Variants in MCF2L2 observed in about 807,000 individuals in gnomAD.
MCF2L2 encodes the protein probable guanine nucleotide exchange factor MCF2L2.
A neutral mutation model predicts 150.2 loss-of-function variants in MCF2L2; 102 were observed. That is an observed-to-expected ratio of 0.68 (90% CI 0.58 to 0.80). The LOEUF is 0.80. MCF2L2 is among the 30% of genes least tolerant of loss of function. The probability of loss-of-function intolerance (pLI) is 0.00; values close to 1 mark genes in which losing one functional copy is unlikely to be tolerated. For missense variants in MCF2L2, 1,256 were observed against 1,372.8 expected (o/e 0.91, Z 1.34); for synonymous variants, 465 against 491.3 (o/e 0.95, Z 0.71).
At chr3:183,223,547 G>C (rs1014096064) in intron 19 of MCF2L2, 109 bp from the exon 20 acceptor site, 5 of 754,898 alleles carry the variant, frequency 6.6e-6, no homozygotes, top group Non-Finnish European at 1.2e-5. Flanking sequence ...GGACAACAGG[G>C]GCAGCTGTGT....
Position 183,362,146 on chromosome 3 carries a change from C to G in MCF2L2, c.275+17151G>C, listed in dbSNP as rs1029286165. On this transcript the variant is annotated intron_variant, in intron 3 of 29. Coordinates refer to ENST00000328913, the MANE Select transcript of MCF2L2 (RefSeq NM_015078.4). ...TTGAGTTGGAGTATTGCTCCATCAC[C>G]CAGGCTAGAGTGCAGTGGTGTGATC... Among the ~76,000 whole-genome samples, 3 of 151,834 alleles carry G rather than the reference C, an allele frequency of 2.0e-5. No homozygotes were observed. The South Asian group carries it at 6.2e-4, about 32-fold the overall frequency.
chr3:183,305,810 C>T lies in MCF2L2; in HGVS notation c.1113+3906G>A, dbSNP rs1448369799. Among the ~76,000 whole-genome samples the T allele has an allele frequency of 2.0e-5, 3 of 152,142 alleles. No homozygotes were observed. The highest frequency in any genetic ancestry group is 7.2e-5 in the African/African-American group (3 of 41,414). On this transcript the variant is annotated intron_variant, in intron 10 of 29. Transcript: ENST00000328913. The surrounding 1 kb of genome is among the most constrained non-coding windows in gnomAD (Gnocchi z 4.1). ...GTTGCAGTGAGCTGAGATTGTGCCA[C>T]TGCACTCCAGCCTGGGCGGCAAGAG...
At chr3:183,272,253 C>A in intron 15 of MCF2L2, 3 of 1,000,182 alleles carry the variant, frequency 3.0e-6, no homozygotes, top group South Asian at 9.4e-5. Flanking sequence ...ATACACACTA[C>A]CTCCCTTCAC....
intron 25 of MCF2L2, among the ~76,000 whole-genome samples, chr3:183,195,834 T>C (rs895417419): frequency 1.3e-5 from 2 of 152,190 alleles, no homozygotes; most frequent in African/African-American, 4.8e-5. Flanking sequence ...AGATCGTCAC[T>C]GAATGTGCTC....
rs529248736 is a variant in MCF2L2, at chr3:183,240,247, G to A, written c.1863-9230C>T. On this transcript the variant is annotated intron_variant, in intron 15 of 29. Coordinates refer to ENST00000328913, the MANE Select transcript of MCF2L2 (RefSeq NM_015078.4). ...GCTACGCCCTTCCAAAAGCTCCTTT[G>A]AGATGGAGTTTCACTCTTGTTGCCC... Among the ~76,000 whole-genome samples the A allele has an allele frequency of 1.5e-3, 230 of 152,322 alleles. 1 individual carries two copies. Among genetic ancestry groups the A allele is most frequent in the African/African-American group, 5.4e-3 (223 of 41,568 alleles).
At chr3:183,395,935 A>AAAAAG (rs1553794481) in intron 1 of MCF2L2, among the ~76,000 whole-genome samples, 7 of 99,108 alleles carry the variant, frequency 7.1e-5, no homozygotes, top group African/African-American at 1.2e-4. Flanking sequence ...AAAAAAAAAA[A>AAAAAG]AAAGAAAGAA....
intron 10 of MCF2L2, among the ~76,000 whole-genome samples, chr3:183,301,215 C>T (rs73066044): frequency 0.076 from 11,583 of 151,974 alleles, 1,117 homozygotes; most frequent in African/African-American, 0.22. Context: ...TTATTGAGAA[C>T]CTGCTATTTG....
At chr3:183,409,195 A>T (rs947637075) in intron 1 of MCF2L2, among the ~76,000 whole-genome samples, 4 of 152,254 alleles carry the variant, frequency 2.6e-5, no homozygotes, top group African/African-American at 9.6e-5. Context: ...CGAGTGGCTC[A>T]TAAAATACTT....
chr3:183,309,358 G>T (rs1025160758), intron 10 of MCF2L2, among the ~76,000 whole-genome samples: 1 of 152,004 alleles, frequency 6.6e-6, no homozygotes, highest in Non-Finnish European at 1.5e-5. Flanking sequence ...CCAGGGAGGA[G>T]CTCAAGCTGA....
intron 3 of MCF2L2, among the ~76,000 whole-genome samples, chr3:183,344,911 C>T (rs1008405406): frequency 6.6e-6 from 1 of 152,120 alleles, no homozygotes; most frequent in Non-Finnish European, 1.5e-5. Flanking sequence ...TACAGGTGCA[C>T]CCAGATTCAT....
chr3:183,206,102 G>C lies in MCF2L2; in HGVS notation c.2805+20C>G. 5 of 1,609,222 alleles carry C rather than the reference G, an allele frequency of 3.1e-6. No homozygotes were observed. Among genetic ancestry groups the C allele is most frequent in the African/African-American group, 1.3e-5 (1 of 74,934 alleles). On this transcript the variant is annotated intron_variant, in intron 24 of 29. Coordinates refer to ENST00000328913, the MANE Select transcript of MCF2L2 (RefSeq NM_015078.4). ...TAAGGAAAGAGTAGAGGAGACCCAT[G>C]GGGAAGGCATGAGCGTTACCTGCAG...
At chr3:183,311,965 A>G (rs779135459) in intron 7 of MCF2L2, among the ~76,000 whole-genome samples, 193 bp from the exon 8 acceptor site, 18 of 152,342 alleles carry the variant, frequency 1.2e-4, no homozygotes, top group Non-Finnish European at 2.4e-4. Context: ...AATTCAAAAT[A>G]TCCGAAAGGG....
Position 183,338,694 on chromosome 3 carries a change from T to G in MCF2L2, c.486+106A>C, listed in dbSNP as rs531126408. 2.8e-5 allele frequency: 33 copies of G among 1,199,182 alleles called. No homozygotes were observed. In the African/African-American group the frequency reaches 4.5e-4, roughly 16 times the overall value. 74.3% of individuals were successfully genotyped at this position (1,199,182 alleles called of 1,614,324 possible). On this transcript the variant is annotated intron_variant, in intron 5 of 29. Coordinates refer to ENST00000328913, the MANE Select transcript of MCF2L2 (RefSeq NM_015078.4). ...GTTCCCTCAGCCCAGAGAACCCTTT[T>G]CTCCCTCTCTACCTGTTGAATCTTA... is the stretch of plus-strand genomic sequence containing the variant.
At chr3:183,207,003 GAGGA>G (rs1168243834) in intron 23 of MCF2L2, among the ~76,000 whole-genome samples, 35 of 114,150 alleles carry the variant, frequency 3.1e-4, no homozygotes, top group African/African-American at 5.2e-4. Flanking sequence ...GGAAGGGAGG[GAGGA>G]AGGAAGGAAG....
chr3:183,402,458 A>AAAAAAAAAAAAAAAAG (rs1714817371), intron 1 of MCF2L2, among the ~76,000 whole-genome samples: 1 of 128,854 alleles, frequency 7.8e-6, no homozygotes, highest in Non-Finnish European at 1.6e-5. Flanking sequence ...CATCAAAAAA[A>AAAAAAAAAAAAAAAAG]AAAAAAAAAA....
intron 27 of MCF2L2, among the ~76,000 whole-genome samples, chr3:183,183,811 T>C (rs1295708370): frequency 6.6e-6 from 1 of 152,126 alleles, no homozygotes; most frequent in Non-Finnish European, 1.5e-5. Context: ...TGTGCTATTA[T>C]TACTTACATT....
chr3:183,313,232 A>AACAC (rs111694523), intron 7 of MCF2L2, among the ~76,000 whole-genome samples: 5,092 of 149,366 alleles, frequency 0.034, 118 homozygotes, highest in Middle Eastern at 0.075. Context: ...AGCTTCCAGC[A>AACAC]ACACACACAC....
intron 26 of MCF2L2, among the ~76,000 whole-genome samples, chr3:183,193,499 T>C (rs190245170): frequency 0.011 from 1,640 of 152,094 alleles, 31 homozygotes; most frequent in African/African-American, 0.038. Context: ...TACATGCGTG[T>C]GCCACCACAC....
chr3:183,202,825 A>C (rs1451844341), intron 25 of MCF2L2, among the ~76,000 whole-genome samples: 1 of 152,252 alleles, frequency 6.6e-6, no homozygotes, highest in Non-Finnish European at 1.5e-5. Context: ...TGTTATTTAA[A>C]ATGTGCAATT....
Sources: gnomAD v4.1 joint callset for allele counts (sites outside exome capture counted in the v4.1 genomes callset) on GRCh38, gnomAD v4.1.1 for gene constraint, Gnocchi (gnomAD v3.1) non-coding constraint, MANE v1.5 for transcripts, NCBI Gene and HGNC (gene_info 2026-07-23, HGNC 2026-07-21) for gene names.